PCSK5: variants seen among roughly 807,000 people sequenced by gnomAD.
PCSK5 encodes proprotein convertase subtilisin/kexin type 5.
PCSK5 carries 129 observed loss-of-function variants against 233.2 expected under a neutral mutation model. The ratio of observed to expected loss-of-function variants is 0.55; its 90% confidence interval spans 0.48 to 0.64. The LOEUF (loss-of-function observed/expected upper bound fraction) is 0.64, where lower values mean the gene tolerates loss of function less well. PCSK5 is among the 30% of genes least tolerant of loss of function. The pLI is 0.00. For missense variants in PCSK5, 2,076 were observed against 2,430.1 expected (o/e 0.85, Z 3.06); for synonymous variants, 825 against 879.2 (o/e 0.94, Z 1.09).
intron 20 of PCSK5, among the ~76,000 whole-genome samples, chr9:76,208,550 T>A (rs1446291864): frequency 6.6e-6 from 1 of 152,220 alleles, no homozygotes. Context: ...TTTTATGATT[T>A]ATAGTTTCAG....
chr9:76,323,428 G>C (rs1263111757), intron 32 of PCSK5, 140 bp downstream of exon 32: 4 of 613,208 alleles, frequency 6.5e-6, no homozygotes, highest in Non-Finnish European at 1.2e-5. Flanking sequence ...CTATTGCCCA[G>C]GCTCAAGTTC....
At chr9:76,342,591 C>T (rs1404807767) in intron 35 of PCSK5, among the ~76,000 whole-genome samples, 3 of 152,210 alleles carry the variant, frequency 2.0e-5, no homozygotes, top group Non-Finnish European at 4.4e-5. Flanking sequence ...TTCCCAAGTA[C>T]ATGTGAATAT....
chr9:76,096,444 C>T (rs1384573577), intron 8 of PCSK5, among the ~76,000 whole-genome samples: 1 of 152,180 alleles, frequency 6.6e-6, no homozygotes, highest in African/African-American at 2.4e-5. Flanking sequence ...GTACTCCTAT[C>T]ACTGTGTTTC....
rs1482519543 is a variant in PCSK5 at position 76,181,548 on chromosome 9, C to T, written c.2154C>T (p.Asn718=). The T allele has an allele frequency of 1.9e-6, 3 of 1,613,926 alleles. No homozygotes were observed. The highest frequency in any genetic ancestry group is 1.1e-5 in the South Asian group (1 of 91,058). The part of the protein sequence containing the change: ...KYGYFLNEET[N]SCVTHCPDGS... ...GATACTTTCTGAATGAAGAAACCAA[C>T]AGCTGTGTTACTCACTGCCCTGATG... The change falls in exon 16 of 38, where the codon AAC becomes AAT. Residue 718 remains asparagine (N), a synonymous_variant. Coordinates refer to ENST00000674117, the MANE Select transcript of PCSK5 (RefSeq NM_001372043.1).
chr9:75,896,898 A>T (rs11998749), intron 1 of PCSK5, among the ~76,000 whole-genome samples: 20,420 of 152,200 alleles, frequency 0.13, 1,690 homozygotes, highest in Middle Eastern at 0.18. Flanking sequence ...TCTCTACATC[A>T]AAGGGTACCA....
chr9:76,035,503 G>A (rs944794047), intron 5 of PCSK5, among the ~76,000 whole-genome samples: 1 of 152,102 alleles, frequency 6.6e-6, no homozygotes, highest in Non-Finnish European at 1.5e-5. Flanking sequence ...TTGATAAAGG[G>A]TCTGATTGAT....
At chr9:76,163,605 C>A (rs1255991103) in intron 12 of PCSK5, among the ~76,000 whole-genome samples, 1 of 152,278 alleles carries the variant, frequency 6.6e-6, no homozygotes, top group Non-Finnish European at 1.5e-5. Context: ...CCTGTATACC[C>A]TGCCTAACAA....
chr9:76,040,361 C>CTG (rs1563988538), intron 5 of PCSK5, among the ~76,000 whole-genome samples: 102 of 57,748 alleles, frequency 1.8e-3, no homozygotes, highest in African/African-American at 5.6e-3. Context: ...CTCTCTCTCT[C>CTG]TCTCTCTCTC....
At chr9:76,317,193 T>A (rs1008900581) in intron 30 of PCSK5, among the ~76,000 whole-genome samples, 4 of 152,070 alleles carry the variant, frequency 2.6e-5, no homozygotes, top group Non-Finnish European at 4.4e-5. Context: ...AAGCCCCATC[T>A]TTACTAAAAA....
intron 10 of PCSK5, among the ~76,000 whole-genome samples, chr9:76,134,632 C>A (rs928327693): frequency 2.0e-5 from 3 of 152,070 alleles, no homozygotes; most frequent in East Asian, 3.9e-4. Flanking sequence ...GTTGCTAAGG[C>A]CATGCATTCT....
chr9:76,253,406 A>G (rs1826878989), intron 24 of PCSK5, among the ~76,000 whole-genome samples: 1 of 152,202 alleles, frequency 6.6e-6, no homozygotes. Context: ...TTTTGTATTC[A>G]TTAGAGCCTC....
chr9:76,167,987 T>G (rs959889042), intron 12 of PCSK5, among the ~76,000 whole-genome samples: 2 of 152,226 alleles, frequency 1.3e-5, no homozygotes, highest in Admixed American at 1.3e-4. Flanking sequence ...TTTTATTTTT[T>G]TCAGTGAAAT....
At chr9:76,101,068 T>A (rs1161121553) in intron 8 of PCSK5, among the ~76,000 whole-genome samples, 1 of 151,800 alleles carries the variant, frequency 6.6e-6, no homozygotes, top group Non-Finnish European at 1.5e-5. Flanking sequence ...CCCGGTTCAA[T>A]TTTTTTTTCT....
At chr9:76,355,200 C>T (rs573331243) in intron 37 of PCSK5, among the ~76,000 whole-genome samples, 21 of 152,058 alleles carry the variant, frequency 1.4e-4, no homozygotes, top group Non-Finnish European at 2.5e-4. Flanking sequence ...TGGCCGGGCG[C>T]GGTGGCTCAC....
rs947090257 is a variant in PCSK5 at position 76,176,743 on chromosome 9, G to T, written c.1900+1614G>T. On this transcript the variant is annotated intron_variant, in intron 14 of 37. Transcript: ENST00000674117. ...CTTTCTAACTAGTGTATGCTGGTGT[G>T]TAGGAAATCTATTGGTTGTATTTAT... 2.0e-5 allele frequency among the ~76,000 whole-genome samples: 3 copies of T among 152,178 alleles called. No individual in the cohort carries two copies. The East Asian group carries it at 5.8e-4, about 29-fold the overall frequency.
rs557267035 is a variant in PCSK5 at position 76,247,246 on chromosome 9, C to T, written c.3142+6562C>T. Among the ~76,000 whole-genome samples, 56 of 152,184 alleles carry T rather than the reference C, an allele frequency of 3.7e-4. 1 individual carries two copies. Among genetic ancestry groups the T allele is most frequent in the African/African-American group, 1.1e-3 (46 of 41,524 alleles). ...CAGCGGCAAACAGCAGTGGTGGACG[C>T]GAGCGAAACTTCAGCTTGAGCCGTA... On this transcript the variant is annotated intron_variant, in intron 24 of 37. Transcript: ENST00000674117.
intron 8 of PCSK5, among the ~76,000 whole-genome samples, chr9:76,101,462 C>T (rs1587628820): frequency 6.6e-6 from 1 of 152,154 alleles, no homozygotes; most frequent in Non-Finnish European, 1.5e-5. Flanking sequence ...CTATCTATAA[C>T]CCCTCACCTC....
At chr9:76,295,519 G>T in intron 26 of PCSK5, 108 bp downstream of exon 26, 1 of 924,076 alleles carries the variant, frequency 1.1e-6, no homozygotes, top group Non-Finnish European at 1.6e-6. Context: ...TGTGCGTGTG[G>T]GCACCTCTGG....
chr9:76,328,087 G>A lies in PCSK5; in HGVS notation c.4418G>A (p.Arg1473His), dbSNP rs558773600. The change falls in exon 33 of 38, where the codon CGT becomes CAT. Residue 1473 changes from arginine (R) to histidine (H), a missense_variant. Arg to His is a conservative substitution (Grantham distance 29). This residue lies in a region of PCSK5 where 1,510 missense variants were observed against 1,538.1 expected (regional missense o/e 0.98). Transcript: ENST00000674117. The stretch of plus-strand genomic sequence containing the variant: ...CAGAAAGGCCTGATCATGAACCCTC[G>A]TGGGAGCTGCATGGCCAACGAGAAG... Reference protein sequence around the residue: ...TCQKGLIMNPRGSCMANEKCS... With the variant: ...TCQKGLIMNPHGSCMANEKCS... The A allele has an allele frequency of 2.8e-5, 45 of 1,612,766 alleles. No homozygotes were observed. Among genetic ancestry groups the A allele is most frequent in the Middle Eastern group, 1.6e-4 (1 of 6,084 alleles).
Sources: gnomAD v4.1 joint callset for allele counts (sites outside exome capture counted in the v4.1 genomes callset) on GRCh38, gnomAD v4.1.1 for gene constraint, gnomAD v4.1.1 regional missense constraint, MANE v1.5 for transcripts, NCBI Gene and HGNC (gene_info 2026-07-23, HGNC 2026-07-21) for gene names.